Variants in DNM3 observed in about 807,000 individuals in gnomAD.
DNM3 encodes the protein dynamin-3.
In DNM3, 47 loss-of-function variants were observed where a neutral mutation model predicts 101.6. The observed-to-expected ratio is 0.46, with a 90% CI of 0.37 to 0.59. DNM3 has a LOEUF of 0.59. DNM3 is among the 20% of genes least tolerant of loss of function. The probability of loss-of-function intolerance (pLI) is 0.00; values close to 1 mark genes in which losing one functional copy is unlikely to be tolerated. For synonymous variants in DNM3, 385 were observed against 387.9 expected, an observed-to-expected ratio of 0.99 and a Z score of 0.09; for missense variants, 849 against 1,085.7, an observed-to-expected ratio of 0.78 and a Z score of 3.06.
At chr1:172,133,522 AG>A (rs1173473654) in intron 14 of DNM3, 1 of 773,558 alleles carries the variant, frequency 1.3e-6, no homozygotes, top group African/African-American at 1.9e-5. Context: ...AAGAAATTCT[AG>A]GAAAGGGTAG....
chr1:171,996,359 C>T (rs2045994811), intron 4 of DNM3, among the ~76,000 whole-genome samples: 2 of 152,100 alleles, frequency 1.3e-5, no homozygotes, highest in African/African-American at 4.8e-5. Context: ...CTTACTTTTG[C>T]TTTAGTTTCA....
intron 4 of DNM3, among the ~76,000 whole-genome samples, chr1:172,006,555 A>G (rs80207012): frequency 0.01 from 1,534 of 152,164 alleles, 31 homozygotes; most frequent in African/African-American, 0.035. Flanking sequence ...ACTGTACCCA[A>G]TGATTTTTCC....
At chr1:171,895,004 A>G (rs1317352970) in intron 1 of DNM3, among the ~76,000 whole-genome samples, 1 of 152,184 alleles carries the variant, frequency 6.6e-6, no homozygotes, top group Non-Finnish European at 1.5e-5. Context: ...TCCATCGTGT[A>G]TATGTGCCAC....
intron 1 of DNM3, among the ~76,000 whole-genome samples, chr1:171,843,981 T>G (rs2031685152): frequency 6.6e-6 from 1 of 152,244 alleles, no homozygotes; most frequent in Admixed American, 6.5e-5. Flanking sequence ...AAAGGTCATT[T>G]AATTCATATG....
At chr1:172,257,641 C>T (rs2062460423) in intron 15 of DNM3, among the ~76,000 whole-genome samples, 2 of 152,020 alleles carry the variant, frequency 1.3e-5, no homozygotes, top group African/African-American at 4.8e-5. Flanking sequence ...ACACGCATAG[C>T]ATATGTAATT....
chr1:171,905,612 A>C (rs1458812188), intron 1 of DNM3, among the ~76,000 whole-genome samples: 1 of 152,186 alleles, frequency 6.6e-6, no homozygotes, highest in Non-Finnish European at 1.5e-5. Flanking sequence ...AATAGCTAAA[A>C]AATATTTACT....
chr1:171,898,572 A>C (rs1005241121), intron 1 of DNM3, among the ~76,000 whole-genome samples: 1 of 152,142 alleles, frequency 6.6e-6, no homozygotes, highest in Non-Finnish European at 1.5e-5. Flanking sequence ...AACTAAAAGA[A>C]AATAAAAATC....
chr1:172,384,095 T>C (rs2069063228), intron 18 of DNM3, among the ~76,000 whole-genome samples: 1 of 152,146 alleles, frequency 6.6e-6, no homozygotes. Context: ...GCATACAGAC[T>C]TCCCAGAAAG....
intron 14 of DNM3, among the ~76,000 whole-genome samples, chr1:172,175,228 C>G (rs2059114625): frequency 6.6e-6 from 1 of 151,738 alleles, no homozygotes; most frequent in South Asian, 2.1e-4. Flanking sequence ...ATGAAAAGCA[C>G]ACACACTGGC....
intron 17 of DNM3, among the ~76,000 whole-genome samples, chr1:172,350,554 G>A (rs111813771): frequency 9.9e-5 from 15 of 152,074 alleles, no homozygotes; most frequent in African/African-American, 3.1e-4. Flanking sequence ...AAAACGTAAC[G>A]TAAAACAATT....
Position 172,407,756 on chromosome 1 carries a change from C to T in DNM3, c.2523-16C>T, listed in dbSNP as rs772314408. ...ATTCTACTTGTTTCTTTACCTTTCT[C>T]TTTTTCTCTTTCTAGCCGGAGACCA... On this transcript the variant is annotated splice_polypyrimidine_tract_variant and intron_variant, in intron 20 of 20. Coordinates refer to ENST00000627582, the MANE Select transcript of DNM3 (RefSeq NM_015569.5). 1 of 1,612,230 alleles carries T rather than the reference C, an allele frequency of 6.2e-7. No individual in the cohort carries two copies. The highest frequency in any genetic ancestry group is 8.5e-7 in the Non-Finnish European group (1 of 1,178,592).
At chr1:171,875,764 A>G (rs1246857920) in intron 1 of DNM3, among the ~76,000 whole-genome samples, 2 of 151,742 alleles carry the variant, frequency 1.3e-5, no homozygotes, top group East Asian at 3.9e-4. Flanking sequence ...GTGTTTATTA[A>G]ATAGATATAA....
At chr1:172,359,349 C>CT (rs985093939) in intron 17 of DNM3, among the ~76,000 whole-genome samples, 9 of 150,862 alleles carry the variant, frequency 6.0e-5, no homozygotes, top group Admixed American at 3.3e-4. Context: ...ATAACTATTA[C>CT]TTTTTTTTTA....
At chr1:172,288,822 A>G (rs905611409) in intron 15 of DNM3, among the ~76,000 whole-genome samples, 2 of 152,184 alleles carry the variant, frequency 1.3e-5, no homozygotes, top group Admixed American at 6.6e-5. Context: ...ATATCAAGAG[A>G]GCAACTGTAG....
At chr1:172,108,296 T>A (rs536907982) in intron 13 of DNM3, among the ~76,000 whole-genome samples, 46 of 152,240 alleles carry the variant, frequency 3.0e-4, no homozygotes, top group Non-Finnish European at 4.9e-4. Context: ...GTCCCTCCTT[T>A]TCTTTTTTCC....
chr1:172,119,386 C>T (rs1268976413), intron 13 of DNM3, among the ~76,000 whole-genome samples: 1 of 152,106 alleles, frequency 6.6e-6, no homozygotes, highest in Non-Finnish European at 1.5e-5. Flanking sequence ...TGACCTTTGA[C>T]CTTTCAATCT....
rs375350498 is a variant in DNM3 at position 172,077,128 on chromosome 1, G to A, written c.1423-4704G>A. ...AGAGGTGTTTATAGTATTCTCTGAT[G>A]GCAGTTTGTATTTCTTTGCCGTCAA... On this transcript the variant is annotated intron_variant, in intron 11 of 20. Transcript: ENST00000627582. Among the ~76,000 whole-genome samples the A allele has an allele frequency of 1.3e-3, 203 of 152,120 alleles. 2 individuals are homozygous for A. Among genetic ancestry groups the A allele is most frequent in the South Asian group, 2.7e-3 (13 of 4,812 alleles).
At chr1:171,997,909 T>G (rs2046106049) in intron 4 of DNM3, among the ~76,000 whole-genome samples, 1 of 152,174 alleles carries the variant, frequency 6.6e-6, no homozygotes, top group South Asian at 2.1e-4. Context: ...TTTCATGTTT[T>G]AGGGGATGTG....
chr1:172,117,682 G>A (rs919724698), intron 13 of DNM3, among the ~76,000 whole-genome samples: 1 of 152,166 alleles, frequency 6.6e-6, no homozygotes, highest in African/African-American at 2.4e-5. Context: ...GTGAATCAGG[G>A]TCCCACAAGT....
Sources: gnomAD v4.1 joint callset for allele counts (sites outside exome capture counted in the v4.1 genomes callset) on GRCh38, gnomAD v4.1.1 for gene constraint, MANE v1.5 for transcripts, NCBI Gene and HGNC (gene_info 2026-07-23, HGNC 2026-07-21) for gene names.